PAG1: variants seen among roughly 807,000 people sequenced by gnomAD.
The protein encoded by PAG1 is phosphoprotein associated with glycosphingolipid-enriched microdomains 1.
Under a neutral mutation model 31.7 loss-of-function variants are expected in PAG1, and 23 were observed. That is an observed-to-expected ratio of 0.73 (90% CI 0.52 to 1.03). PAG1 has a LOEUF of 1.03. PAG1 is among the 50% of genes least tolerant of loss of function. The pLI is 0.00. For missense variants in PAG1, 473 were observed against 540.7 expected, an observed-to-expected ratio of 0.87 and a Z score of 1.24; for synonymous variants, 214 against 210.3, an observed-to-expected ratio of 1.02 and a Z score of -0.15.
At chr8:81,022,677 T>C (rs1194531721) in intron 3 of PAG1, among the ~76,000 whole-genome samples, 1 of 152,190 alleles carries the variant, frequency 6.6e-6, no homozygotes, top group Non-Finnish European at 1.5e-5. Flanking sequence ...TGAATATCTA[T>C]GTATATCTTC....
chr8:81,035,331 G>A (rs1808445296), intron 2 of PAG1, among the ~76,000 whole-genome samples: 1 of 152,170 alleles, frequency 6.6e-6, no homozygotes, highest in Admixed American at 6.5e-5. Flanking sequence ...AGGCCAAGGA[G>A]TAAGGATTAT....
chr8:81,071,042 G>C (rs972193039), intron 1 of PAG1, among the ~76,000 whole-genome samples: 4 of 132,244 alleles, frequency 3.0e-5, no homozygotes, highest in Non-Finnish European at 6.1e-5. Context: ...AAGTTTAAAA[G>C]AGAAAAGAAA....
In PAG1 at chr8:80,976,606, T is replaced by G; in HGVS notation, c.1237A>C (p.Lys413Gln). Reference sequence around the variant, plus strand: ...CTTATGCTCTCGTAGTCGTTCTCCTTTGGGACGAGACCGTGGTGGCCATTG... The same window carrying G: ...CTTATGCTCTCGTAGTCGTTCTCCTGTGGGACGAGACCGTGGTGGCCATTG... ...GTNGHHGLVP[K>Q]ENDYESISDL... is the part of the protein sequence containing the mutation. The change falls in exon 9 of 9, where the codon AAG becomes CAG. Residue 413 changes from lysine (K) to glutamine (Q), a missense_variant. By Grantham distance (53) the Lys-to-Gln change is moderately conservative. Coordinates refer to ENST00000220597, the MANE Select transcript of PAG1 (RefSeq NM_018440.4). 1.9e-6 allele frequency: 3 copies of G among 1,614,146 alleles called. No individual in the cohort carries two copies. The highest frequency in any genetic ancestry group is 2.5e-6 in the Non-Finnish European group (3 of 1,179,984).
At chr8:81,020,702 T>C (rs1255233234) in intron 3 of PAG1, among the ~76,000 whole-genome samples, 2 of 152,222 alleles carry the variant, frequency 1.3e-5, no homozygotes, top group African/African-American at 2.4e-5. Context: ...CACGTGGCAA[T>C]AGGGTTCCTT....
chr8:81,005,672 T>C (rs1807862178), intron 3 of PAG1, among the ~76,000 whole-genome samples: 1 of 152,164 alleles, frequency 6.6e-6, no homozygotes, highest in African/African-American at 2.4e-5. Context: ...AAGTGATAAG[T>C]GTGATTGTGG....
intron 1 of PAG1, among the ~76,000 whole-genome samples, chr8:81,082,806 C>T (rs543594483): frequency 1.3e-5 from 2 of 152,118 alleles, no homozygotes; most frequent in East Asian, 3.8e-4. Context: ...TTGCATCCAG[C>T]ATGTTTAGAA....
At chr8:81,043,364 T>TA (rs1252417649) in intron 2 of PAG1, among the ~76,000 whole-genome samples, 3 of 152,220 alleles carry the variant, frequency 2.0e-5, no homozygotes, top group African/African-American at 7.2e-5. Context: ...TAAGCACTGT[T>TA]AGAGTTCAGT....
chr8:81,083,176 T>C (rs1486614010), intron 1 of PAG1, among the ~76,000 whole-genome samples: 1 of 152,178 alleles, frequency 6.6e-6, no homozygotes, highest in East Asian at 1.9e-4. Context: ...GGATGCATTC[T>C]TACTGCTAGT....
In PAG1 at chr8:80,993,216, C is replaced by T. The variant is rs750107515; in HGVS notation, c.12G>A (p.Ala4=). 2.2e-5 allele frequency: 36 copies of T among 1,608,422 alleles called. No homozygotes were observed. The highest frequency in any genetic ancestry group is 4.0e-5 in the African/African-American group (3 of 74,788). The change falls in exon 4 of 9, where the codon GCG becomes GCA. Residue 4 remains alanine (A), a synonymous_variant. Transcript: ENST00000220597. MGP[A]GSLLGSGQMQ... ...TCTGTCCGCTGCCCAGCAGGCTCCC[C>T]GCGGGCCCCATGGCAGGAGCAGGCA...
chr8:81,032,841 A>G (rs1460151730), intron 2 of PAG1, among the ~76,000 whole-genome samples: 1 of 152,266 alleles, frequency 6.6e-6, no homozygotes, highest in Non-Finnish European at 1.5e-5. Flanking sequence ...GTGAATGGGT[A>G]TATACAAAAT....
chr8:81,071,226 A>G (rs904571773), intron 1 of PAG1, among the ~76,000 whole-genome samples: 1 of 152,222 alleles, frequency 6.6e-6, no homozygotes, highest in African/African-American at 2.4e-5. Flanking sequence ...CCAGCAAGAC[A>G]TGAACACCCA....
At chr8:81,086,076 G>T (rs1809350834) in intron 1 of PAG1, among the ~76,000 whole-genome samples, 1 of 132,698 alleles carries the variant, frequency 7.5e-6, no homozygotes, top group Non-Finnish European at 1.5e-5. Context: ...CCGCCTCCCG[G>T]GTTCACGCCA....
intron 3 of PAG1, among the ~76,000 whole-genome samples, chr8:81,024,834 T>A (rs1808247687): frequency 6.6e-6 from 1 of 152,244 alleles, no homozygotes; most frequent in African/African-American, 2.4e-5. Context: ...GTATTTTGCA[T>A]AATAACTTCC....
At chr8:81,075,182 T>C (rs1809157147) in intron 1 of PAG1, among the ~76,000 whole-genome samples, 2 of 152,240 alleles carry the variant, frequency 1.3e-5, no homozygotes, top group Admixed American at 1.3e-4. Context: ...AAGACCCTAA[T>C]GCAAAATGTA....
intron 2 of PAG1, among the ~76,000 whole-genome samples, chr8:81,065,386 G>A (rs1445246676): frequency 6.6e-6 from 1 of 151,872 alleles, no homozygotes; most frequent in Non-Finnish European, 1.5e-5. Flanking sequence ...CTGATGTATG[G>A]AAGTCTATGG....
chr8:81,107,815 G>T (rs1009434280), intron 1 of PAG1, among the ~76,000 whole-genome samples: 1 of 152,212 alleles, frequency 6.6e-6, no homozygotes, highest in Non-Finnish European at 1.5e-5. Flanking sequence ...TCTCTGCGGG[G>T]CTGCACATGA....
chr8:80,995,562 T>C (rs976381636), intron 3 of PAG1, among the ~76,000 whole-genome samples: 1 of 152,202 alleles, frequency 6.6e-6, no homozygotes, highest in African/African-American at 2.4e-5. Flanking sequence ...ATAAAATACA[T>C]TTTTATACAC....
intron 3 of PAG1, among the ~76,000 whole-genome samples, chr8:81,029,399 C>T (rs932155980): frequency 6.6e-6 from 1 of 151,742 alleles, no homozygotes; most frequent in African/African-American, 2.4e-5. Flanking sequence ...CCCCTCCCCA[C>T]AAGAGGCATT....
intron 2 of PAG1, among the ~76,000 whole-genome samples, chr8:81,065,145 C>T (rs1287035606): frequency 6.6e-6 from 1 of 152,174 alleles, no homozygotes; most frequent in Admixed American, 6.5e-5. Context: ...TCCCTGGCCC[C>T]CTTGGTGTCC....
Sources: allele counts gnomAD v4.1 joint callset (sites outside exome capture counted in the v4.1 genomes callset), GRCh38; gene constraint gnomAD v4.1.1; transcripts MANE v1.5; gene names NCBI Gene and HGNC (gene_info 2026-07-23, HGNC 2026-07-21).